LINS1: variants seen among roughly 807,000 people sequenced by gnomAD.
The protein encoded by LINS1 is lines homolog 1, also known as protein Lines homolog 1.
Under a neutral mutation model 41.6 loss-of-function variants are expected in LINS1, and 27 were observed. The ratio of observed to expected loss-of-function variants is 0.65; its 90% confidence interval spans 0.48 to 0.89. The LOEUF (loss-of-function observed/expected upper bound fraction) is 0.89, where lower values mean the gene tolerates loss of function less well. Among genes scored for constraint, LINS1 ranks in the 40% least tolerant of loss-of-function variants. The probability of loss-of-function intolerance (pLI) is 0.00; values close to 1 mark genes in which losing one functional copy is unlikely to be tolerated. For synonymous variants in LINS1, 336 were observed against 312.9 expected, an observed-to-expected ratio of 1.07 and a Z score of -0.78; for missense variants, 955 against 884.1, an observed-to-expected ratio of 1.08 and a Z score of -1.02.
chr15:100,580,458 CT>C lies in LINS1; in HGVS notation c.384del (p.Val129SerfsTer5). On this transcript the variant is annotated frameshift_variant, in exon 2 of 7. Coordinates refer to ENST00000314742, the MANE Select transcript of LINS1 (RefSeq NM_001040616.3). LOFTEE classifies it high-confidence loss of function. ...DVIKILLESA[K>X]VDSKLICMFQ... Reference sequence around the variant, plus strand: ...AAATGGCTTACTAATTTAGAATCGACTTTGGCTGATTCTAAGAGAATTTTAA... The same window carrying C: ...AAATGGCTTACTAATTTAGAATCGACTTGGCTGATTCTAAGAGAATTTTAA... 1 of 1,613,942 alleles carries C rather than the reference CT, an allele frequency of 6.2e-7. No homozygotes were observed. Among genetic ancestry groups the C allele is most frequent in the Middle Eastern group, 1.7e-4 (1 of 6,058 alleles).
At position 100,569,334 on chromosome 15, in the gene LINS1, C is replaced by T. The variant is rs2037670362; in HGVS notation, c.2178G>A (p.Leu726=). The T allele has an allele frequency of 1.9e-6, 3 of 1,613,932 alleles. No homozygotes were observed. Among genetic ancestry groups the T allele is most frequent in the African/African-American group, 2.7e-5 (2 of 74,890 alleles). ...FQELQDAICR[L]QKKNLFPYNP... ...TATATGGGAAAAGATTTTTCTTTTG[C>T]AAACGGCAGATGGCATCTTGTAGTT... The change falls in exon 7 of 7, where the codon TTG becomes TTA. Residue 726 remains leucine (L), a synonymous_variant. Coordinates refer to ENST00000314742, the MANE Select transcript of LINS1 (RefSeq NM_001040616.3).
intron 1 of LINS1, among the ~76,000 whole-genome samples, chr15:100,584,296 C>T (rs1358321121): frequency 2.0e-5 from 3 of 152,118 alleles, no homozygotes; most frequent in African/African-American, 7.2e-5. Flanking sequence ...AATAATATTC[C>T]TATGGGTCAC....
In LINS1 at chr15:100,569,381, T is replaced by C. The variant is rs1267522293; in HGVS notation, c.2131A>G (p.Arg711Gly). The C allele has an allele frequency of 4.3e-6, 7 of 1,614,112 alleles. No homozygotes were observed. Among genetic ancestry groups the C allele is most frequent in the Non-Finnish European group, 5.9e-6 (7 of 1,179,960 alleles). ...DVVSEVGIFYRIVKCFQELQD... is the reference protein window; with the variant it reads ...DVVSEVGIFYGIVKCFQELQD... The stretch of plus-strand genomic sequence containing the variant: ...AGTTCCTGGAAGCATTTTACTATTC[T>C]GTAAAATATTCCCACTTCAGAGACG... The change falls in exon 7 of 7, where the codon AGA becomes GGA. Residue 711 changes from arginine to glycine, a missense_variant. Coordinates refer to ENST00000314742, the MANE Select transcript of LINS1 (RefSeq NM_001040616.3).
At position 100,569,368 on chromosome 15, in the gene LINS1, C is replaced by A. The variant is rs780647953; in HGVS notation, c.2144G>T (p.Cys715Phe). Residue 715 changes from cysteine to phenylalanine, a missense_variant, in exon 7 of 7, where the codon TGC (cysteine) becomes TTC (phenylalanine). Physicochemically the swap from Cys to Phe is radical, Grantham distance 205. Coordinates refer to ENST00000314742, the MANE Select transcript of LINS1 (RefSeq NM_001040616.3). ...EVGIFYRIVK[C>F]FQELQDAICR... ...GATGGCATCTTGTAGTTCCTGGAAGCATTTTACTATTCTGTAAAATATTCC... is the reference window on the plus strand; with the variant it reads ...GATGGCATCTTGTAGTTCCTGGAAGAATTTTACTATTCTGTAAAATATTCC... 1.9e-6 allele frequency: 3 copies of A among 1,613,986 alleles called. No homozygotes were observed. Among genetic ancestry groups the A allele is most frequent in the Middle Eastern group, 1.6e-4 (1 of 6,084 alleles).
At chr15:100,572,483 T>C (rs974915325) in intron 5 of LINS1, 11 of 1,063,082 alleles carry the variant, frequency 1.0e-5, no homozygotes, top group African/African-American at 6.8e-5. Context: ...GAAAAACATA[T>C]TTTTTGTTTG....
At chr15:100,587,944 A>C (rs1441008843) in intron 1 of LINS1, among the ~76,000 whole-genome samples, 2 of 152,204 alleles carry the variant, frequency 1.3e-5, no homozygotes, top group African/African-American at 4.8e-5. Flanking sequence ...CTGGTCAGGG[A>C]GAAAGAGCCC....
chr15:100,570,188 T>A, intron 6 of LINS1, 71 bp from the exon 7 acceptor site: 2 of 1,224,150 alleles, frequency 1.6e-6, no homozygotes, highest in Non-Finnish European at 2.3e-6. Context: ...CAGATATAAT[T>A]CACATACCAT....
At chr15:100,583,388 G>A (rs118062772) in intron 1 of LINS1, among the ~76,000 whole-genome samples, 2,371 of 152,320 alleles carry the variant, frequency 0.016, 36 homozygotes, top group Non-Finnish European at 0.022. Flanking sequence ...CCCTGTTTTA[G>A]TCCTTTCATG....
At position 100,569,170 on chromosome 15, in the gene LINS1, C is replaced by T. The variant is rs2037661454; in HGVS notation, c.*68G>A. The T allele has an allele frequency of 2.3e-6, 2 of 867,766 alleles. No individual in the cohort carries two copies. The highest frequency in any genetic ancestry group is 3.7e-6 in the Non-Finnish European group (2 of 540,728). The allele number at this position is 867,766 out of a possible 1,614,324, so 53.8% of individuals were successfully genotyped here. A position where few individuals can be genotyped will look rare whatever the true frequency, so the allele number is the denominator to read the frequency against. The stretch of plus-strand genomic sequence containing the variant: ...ACCCTTTTATGGTGATGATTTTATA[C>T]TATTACCTCATTGAGACATAATTTA... On this transcript the variant is annotated 3_prime_UTR_variant, in exon 7 of 7. Transcript: ENST00000314742.
Position 100,580,949 on chromosome 15 carries a change from A to G in LINS1, c.-103-4T>C, listed in dbSNP as rs2141310912. 1.0e-6 allele frequency: 1 copy of G among 1,000,828 alleles called. No individual in the cohort carries two copies. The highest frequency in any genetic ancestry group is 2.6e-5 in the East Asian group (1 of 38,230). 62.0% of individuals were successfully genotyped at this position (1,000,828 alleles called of 1,614,324 possible). On this transcript the variant is annotated splice_polypyrimidine_tract_variant and splice_region_variant and intron_variant, in intron 1 of 6. Transcript: ENST00000314742. ...TAAGAAGTTTCTTCAGTGAAACCTA[A>G]AATAGGAAAAATAATTTAAAAATTC...
At chr15:100,583,651 G>C (rs1453546619) in intron 1 of LINS1, among the ~76,000 whole-genome samples, 1 of 152,174 alleles carries the variant, frequency 6.6e-6, no homozygotes, top group African/African-American at 2.4e-5. Flanking sequence ...CCAACCTACT[G>C]TCTACAATTC....
At chr15:100,573,495 CT>C (rs34816737) in intron 5 of LINS1, 155 bp downstream of exon 5, 43,473 of 580,488 alleles carry the variant, frequency 0.075, no homozygotes, top group East Asian at 0.15. Context: ...AAATCCAGTT[CT>C]TTTTTTTTTT....
chr15:100,570,260 A>C, intron 6 of LINS1, 143 bp from the exon 7 acceptor site: 1 of 625,568 alleles, frequency 1.6e-6, no homozygotes, highest in Non-Finnish European at 2.6e-6. Flanking sequence ...AAAATTTCAA[A>C]ACCCATTCCC....
At chr15:100,597,524 G>A (rs2039300470) in intron 1 of LINS1, among the ~76,000 whole-genome samples, 1 of 152,180 alleles carries the variant, frequency 6.6e-6, no homozygotes, top group African/African-American at 2.4e-5. Context: ...ATTTATTGAT[G>A]AGGAATCTCA....
At chr15:100,576,588 C>G (rs1378326849) in intron 3 of LINS1, 3 of 152,304 alleles carry the variant, frequency 2.0e-5, no homozygotes, top group Non-Finnish European at 2.9e-5. Context: ...CGAATTCTAC[C>G]AGACGTACAA....
At chr15:100,580,242 T>C in intron 3 of LINS1, 21 bp downstream of exon 3, 1 of 1,498,680 alleles carries the variant, frequency 6.7e-7, no homozygotes, top group East Asian at 2.3e-5. Context: ...AATAATAACA[T>C]ACTTTGATTA....
rs1305834296 is a variant in LINS1, at chr15:100,568,668, T to TA, written c.*569dup. The TA allele has an allele frequency of 6.5e-6, 1 of 153,008 alleles. No individual in the cohort carries two copies. The highest frequency in any genetic ancestry group is 1.5e-5 in the Non-Finnish European group (1 of 68,628). The allele number at this position is 153,008 out of a possible 1,614,324, so 9.5% of individuals were successfully genotyped here. On this transcript the variant is annotated 3_prime_UTR_variant, in exon 7 of 7. Coordinates refer to ENST00000314742, the MANE Select transcript of LINS1 (RefSeq NM_001040616.3). Reference sequence around the variant, plus strand: ...AGCTGCGGCACACGTGGCAAGTTGTTACGGCAGCCCTAGCTGAGGAACGCA... The same window carrying TA: ...AGCTGCGGCACACGTGGCAAGTTGTTAACGGCAGCCCTAGCTGAGGAACGCA...
rs2141258388 is a variant in LINS1 at position 100,569,217 on chromosome 15, G to A, written c.*21C>T. The A allele has an allele frequency of 6.7e-7, 1 of 1,502,748 alleles. No homozygotes were observed. The highest frequency in any genetic ancestry group is 1.1e-5 in the South Asian group (1 of 87,710). The allele number at this position is 1,502,748 out of a possible 1,614,324, so 93.1% of individuals were successfully genotyped here. A position where few individuals can be genotyped will look rare whatever the true frequency, so the allele number is the denominator to read the frequency against. On this transcript the variant is annotated 3_prime_UTR_variant, in exon 7 of 7. Transcript: ENST00000314742. ...TTTATATTAAGGAAAAACAATACCT[G>A]GAAAATAAAATGTCAATGTTTTACA...
At chr15:100,578,047 G>C (rs1266553543) in intron 3 of LINS1, among the ~76,000 whole-genome samples, 7 of 152,098 alleles carry the variant, frequency 4.6e-5, no homozygotes, top group Non-Finnish European at 5.9e-5. Flanking sequence ...AGACTTATAT[G>C]TTAGACTTAA....
Sources: allele counts gnomAD v4.1 joint callset (sites outside exome capture counted in the v4.1 genomes callset), GRCh38; gene constraint gnomAD v4.1.1; transcripts MANE v1.5; gene names NCBI Gene and HGNC (gene_info 2026-07-23, HGNC 2026-07-21).